Variants in UBE3D observed in about 807,000 individuals in gnomAD.
UBE3D encodes ubiquitin protein ligase E3D.
In UBE3D, 48 loss-of-function variants were observed where a neutral mutation model predicts 49.6. The observed-to-expected ratio is 0.97, with a 90% CI of 0.77 to 1.23. The LOEUF is 1.23. Among genes scored for constraint, UBE3D ranks in the 50% most tolerant of loss-of-function variants. The probability of loss-of-function intolerance (pLI) is 0.00; values close to 1 mark genes in which losing one functional copy is unlikely to be tolerated. For synonymous variants in UBE3D, 189 were observed against 174.2 expected, an observed-to-expected ratio of 1.08 and a Z score of -0.67; for missense variants, 452 against 468.4, an observed-to-expected ratio of 0.96 and a Z score of 0.32.
chr6:83,056,739 A>T (rs1363590120), intron 2 of UBE3D, among the ~76,000 whole-genome samples: 1 of 152,100 alleles, frequency 6.6e-6, no homozygotes, highest in African/African-American at 2.4e-5. Context: ...AATACTCAAC[A>T]TCTCCTAAAT....
intron 9 of UBE3D, among the ~76,000 whole-genome samples, chr6:82,941,846 G>C (rs1369383148): frequency 1.3e-5 from 2 of 152,176 alleles, no homozygotes; most frequent in Non-Finnish European, 2.9e-5. Context: ...TAAGTTTCCT[G>C]AGGCATCCCA....
At chr6:82,917,015 A>C (rs577202518) in intron 9 of UBE3D, among the ~76,000 whole-genome samples, 1 of 152,318 alleles carries the variant, frequency 6.6e-6, no homozygotes, top group East Asian at 1.9e-4. Context: ...GGAGCACTTA[A>C]AAAAACCAAA....
chr6:82,888,104 C>T (rs774568233), downstream of UBE3D, among the ~76,000 whole-genome samples: 2 of 151,938 alleles, frequency 1.3e-5, no homozygotes, highest in Non-Finnish European at 2.9e-5. Flanking sequence ...AAGGCGCTTT[C>T]TATTTACAAT....
At chr6:82,937,847 A>G (rs1200241152) in intron 9 of UBE3D, among the ~76,000 whole-genome samples, 3 of 152,138 alleles carry the variant, frequency 2.0e-5, no homozygotes, top group East Asian at 1.9e-4. Flanking sequence ...CTCCACATGA[A>G]AGAGTTACCT....
chr6:82,978,308 T>G (rs73478997), intron 8 of UBE3D, among the ~76,000 whole-genome samples: 4,132 of 152,250 alleles, frequency 0.027, 92 homozygotes, highest in African/African-American at 0.06. Context: ...TTTGAAATAC[T>G]GGCTTTGCTG....
intron 9 of UBE3D, among the ~76,000 whole-genome samples, chr6:82,912,304 T>C (rs908510569): frequency 6.6e-6 from 1 of 152,168 alleles, no homozygotes; most frequent in Non-Finnish European, 1.5e-5. Context: ...AGTTATTCTA[T>C]GCTTTTTTTC....
Position 82,908,788 on chromosome 6 carries a change from T to A in UBE3D, c.1150-15746A>T, listed in dbSNP as rs144585633. Among the ~76,000 whole-genome samples, 251 of 152,332 alleles carry A rather than the reference T, an allele frequency of 1.6e-3. 2 individuals are homozygous for A. Among genetic ancestry groups the A allele is most frequent in the African/African-American group, 5.0e-3 (209 of 41,574 alleles). On this transcript the variant is annotated intron_variant, in intron 9 of 9. Transcript: ENST00000369747. ...CTCTTCCTTTCTTCCCTTCCTCCACTGCATAACTTACTCACGTACTATGCT... is the reference window on the plus strand; with the variant it reads ...CTCTTCCTTTCTTCCCTTCCTCCACAGCATAACTTACTCACGTACTATGCT...
At chr6:83,003,747 A>C (rs1367744202) in intron 8 of UBE3D, among the ~76,000 whole-genome samples, 2 of 152,210 alleles carry the variant, frequency 1.3e-5, no homozygotes, top group African/African-American at 4.8e-5. Context: ...GGTACAGGAA[A>C]GATAGAGTAT....
intron 8 of UBE3D, among the ~76,000 whole-genome samples, chr6:83,005,141 A>G (rs562164008): frequency 1.3e-5 from 2 of 152,292 alleles, no homozygotes; most frequent in South Asian, 4.1e-4. Flanking sequence ...CTCAATAACA[A>G]ATTAAAAGGA....
intron 9 of UBE3D, among the ~76,000 whole-genome samples, chr6:82,923,149 G>A (rs1172632290): frequency 6.6e-6 from 1 of 152,148 alleles, no homozygotes; most frequent in East Asian, 1.9e-4. Flanking sequence ...AAGACAGTGT[G>A]GCAATTCCTC....
chr6:82,978,566 C>CA (rs928662491), intron 8 of UBE3D, among the ~76,000 whole-genome samples: 9 of 151,856 alleles, frequency 5.9e-5, no homozygotes, highest in Admixed American at 1.3e-4. Flanking sequence ...GAGTTTGAAA[C>CA]AAAAAAAATG....
chr6:83,029,797 T>C (rs1375341496), intron 5 of UBE3D, among the ~76,000 whole-genome samples: 6 of 152,204 alleles, frequency 3.9e-5, no homozygotes, highest in South Asian at 4.1e-4. Flanking sequence ...CCCCACAGTA[T>C]GTAGCCACTA....
intron 5 of UBE3D, among the ~76,000 whole-genome samples, chr6:83,032,555 C>T (rs986007798): frequency 6.6e-6 from 1 of 152,180 alleles, no homozygotes. Context: ...TGGACTTGAA[C>T]TTTTCAGTTA....
intron 5 of UBE3D, among the ~76,000 whole-genome samples, chr6:83,025,495 G>C (rs532098932): frequency 3.3e-5 from 5 of 151,872 alleles, no homozygotes; most frequent in Non-Finnish European, 5.9e-5. Flanking sequence ...TGCTGGATAC[G>C]CTTATTTATA....
chr6:83,030,653 G>A (rs141979510), intron 5 of UBE3D, among the ~76,000 whole-genome samples: 285 of 152,278 alleles, frequency 1.9e-3, no homozygotes, highest in African/African-American at 6.6e-3. Context: ...ATGTGGAAGC[G>A]ACTTTGGAAT....
intron 8 of UBE3D, among the ~76,000 whole-genome samples, chr6:83,003,654 G>A (rs535024653): frequency 4.6e-5 from 7 of 152,066 alleles, no homozygotes; most frequent in African/African-American, 9.7e-5. Flanking sequence ...GACCCATAGC[G>A]CACATTACTG....
chr6:82,883,141 A>G, the UBE3D span, among the ~76,000 whole-genome samples: 21 of 152,198 alleles, frequency 1.4e-4, no homozygotes, highest in Admixed American at 5.2e-4. Context: ...TATCTTCAAT[A>G]CATTTCCTAC....
intron 9 of UBE3D, among the ~76,000 whole-genome samples, chr6:82,946,813 T>C (rs1775438299): frequency 6.6e-6 from 1 of 152,130 alleles, no homozygotes; most frequent in East Asian, 1.9e-4. Flanking sequence ...TTTTGCTTGT[T>C]TGTTTATGCA....
chr6:82,883,221 T>C, the UBE3D span, among the ~76,000 whole-genome samples: 5 of 152,202 alleles, frequency 3.3e-5, no homozygotes, highest in East Asian at 9.6e-4. Context: ...GTTTTTAGTC[T>C]GGGAGGAATA....
Sources: allele counts gnomAD v4.1 joint callset (sites outside exome capture counted in the v4.1 genomes callset), GRCh38; gene constraint gnomAD v4.1.1; transcripts MANE v1.5; gene names NCBI Gene and HGNC (gene_info 2026-07-23, HGNC 2026-07-21).